Variants in CSMD2 observed in about 807,000 individuals in gnomAD.
CSMD2 encodes CUB and sushi domain-containing protein 2.
Under a neutral mutation model 398.5 loss-of-function variants are expected in CSMD2, and 130 were observed. That is an observed-to-expected ratio of 0.33 (90% CI 0.28 to 0.38). CSMD2 has a LOEUF of 0.38. Ranked by LOEUF, CSMD2 falls within the 10% of genes least tolerant of loss-of-function variation. The probability of loss-of-function intolerance (pLI) is 1.00; values close to 1 mark genes in which losing one functional copy is unlikely to be tolerated. For synonymous variants in CSMD2, 1,828 were observed against 1,908.5 expected, an observed-to-expected ratio of 0.96 and a Z score of 1.10; for missense variants, 3,829 against 4,764.9, an observed-to-expected ratio of 0.80 and a Z score of 5.78.
At chr1:34,011,895 G>A (rs773242925) in intron 3 of CSMD2, among the ~76,000 whole-genome samples, 1 of 152,130 alleles carries the variant, frequency 6.6e-6, no homozygotes, top group Non-Finnish European at 1.5e-5. Flanking sequence ...CCAGCCTCTG[G>A]TAACCCATAA....
rs769897625 is a variant in CSMD2, at chr1:33,605,301, G to A, written c.6513C>T (p.His2171=). The change falls in exon 42 of 71, where the codon CAC becomes CAT. Residue 2171 remains histidine, a synonymous_variant. Transcript: ENST00000373381. ...ACATACCTTCACACTTGGGCAGGGGGTGGTCCCAGTTCCGGTTGGTGCCAT... is the reference window on the plus strand; with the variant it reads ...ACATACCTTCACACTTGGGCAGGGGATGGTCCCAGTTCCGGTTGGTGCCAT... ...CQHGTNRNWD[H]PLPKCEVPCG... is the part of the protein sequence containing the mutation. 3 of 1,614,178 alleles carry A rather than the reference G, an allele frequency of 1.9e-6. No individual in the cohort carries two copies. Among genetic ancestry groups the A allele is most frequent in the South Asian group, 1.1e-5 (1 of 91,070 alleles).
chr1:34,027,693 A>G (rs1422781755), intron 3 of CSMD2, among the ~76,000 whole-genome samples: 4 of 152,248 alleles, frequency 2.6e-5, no homozygotes. Flanking sequence ...ATTAACACAG[A>G]AAAACGTTGG....
chr1:33,986,273 T>TC (rs1205670498), intron 3 of CSMD2, among the ~76,000 whole-genome samples: 2 of 152,168 alleles, frequency 1.3e-5, no homozygotes, highest in East Asian at 1.9e-4. Context: ...ACTCTCTCAA[T>TC]CCATGTCTTT....
chr1:33,767,091 A>G (rs905719850), intron 13 of CSMD2, among the ~76,000 whole-genome samples: 1 of 152,228 alleles, frequency 6.6e-6, no homozygotes, highest in African/African-American at 2.4e-5. Flanking sequence ...AATTAAATAT[A>G]ATTGGTTGAA....
intron 25 of CSMD2, among the ~76,000 whole-genome samples, chr1:33,676,513 T>C (rs1644716804): frequency 6.6e-6 from 1 of 152,206 alleles, no homozygotes; most frequent in African/African-American, 2.4e-5. Context: ...AGAATCAATA[T>C]TGTGAAAATG....
intron 5 of CSMD2, among the ~76,000 whole-genome samples, chr1:33,900,792 A>G (rs925312605): frequency 6.6e-6 from 1 of 152,226 alleles, no homozygotes; most frequent in African/African-American, 2.4e-5. Flanking sequence ...AAAAAAAAAA[A>G]AAGAGTTTTG....
intron 39 of CSMD2, among the ~76,000 whole-genome samples, chr1:33,616,159 C>A (rs1641369535): frequency 6.6e-6 from 1 of 152,336 alleles, no homozygotes; most frequent in East Asian, 1.9e-4. Flanking sequence ...CTGCTCATCA[C>A]TGCCGTAGCA....
At chr1:33,747,855 T>G (rs1401551475) in intron 13 of CSMD2, among the ~76,000 whole-genome samples, 2 of 152,220 alleles carry the variant, frequency 1.3e-5, no homozygotes, top group Non-Finnish European at 2.9e-5. Flanking sequence ...GCATCACCGA[T>G]TTTAAAAAGT....
At position 33,577,697 on chromosome 1, in the gene CSMD2, C is replaced by A. The variant is rs1285972587; in HGVS notation, c.7388-213G>T. 1.4e-4 allele frequency among the ~76,000 whole-genome samples: 21 copies of A among 152,036 alleles called. 1 individual carries two copies. The highest frequency in any genetic ancestry group is 4.8e-4 in the African/African-American group (20 of 41,448). ...ACAAAACAACGGAAACAAAACAAAA[C>A]AAAACAAAAAAAACCAGCTTCATGA... On this transcript the variant is annotated intron_variant, in intron 48 of 70. Coordinates refer to ENST00000373381, the MANE Select transcript of CSMD2 (RefSeq NM_001281956.2).
intron 5 of CSMD2, among the ~76,000 whole-genome samples, chr1:33,870,002 A>C (rs1464724429): frequency 6.6e-6 from 1 of 152,214 alleles, no homozygotes; most frequent in Non-Finnish European, 1.5e-5. Context: ...AAAACAATCA[A>C]CTGGCATCCG....
chr1:33,789,336 A>G (rs1653945208), intron 11 of CSMD2, among the ~76,000 whole-genome samples: 1 of 152,180 alleles, frequency 6.6e-6, no homozygotes, highest in South Asian at 2.1e-4. Context: ...AACCCCAAGC[A>G]CCTACCCATG....
intron 11 of CSMD2, among the ~76,000 whole-genome samples, chr1:33,791,323 T>G (rs2124868489): frequency 6.6e-6 from 1 of 152,272 alleles, no homozygotes; most frequent in Admixed American, 6.5e-5. Flanking sequence ...ACACCAGGGC[T>G]TAAGCGAGAT....
At chr1:34,003,086 C>G (rs1197152870) in intron 3 of CSMD2, among the ~76,000 whole-genome samples, 1 of 152,144 alleles carries the variant, frequency 6.6e-6, no homozygotes, top group Non-Finnish European at 1.5e-5. Flanking sequence ...AAGGTCTAAG[C>G]GAGCTCCAAG....
chr1:33,693,064 A>AAATCCC lies in CSMD2; in HGVS notation c.3926-14_3926-9dup, dbSNP rs1402569138. On this transcript the variant is annotated splice_polypyrimidine_tract_variant and intron_variant, in intron 24 of 70. Transcript: ENST00000373381. ...CTGTCCCTCCACACTCGGCTGAAAG[A>AAATCCC]AATCCCAAAAGAGTGAGCTTCATGG... 6.3e-7 allele frequency: 1 copy of AAATCCC among 1,589,588 alleles called. No homozygotes were observed. The highest frequency in any genetic ancestry group is 1.4e-5 in the African/African-American group (1 of 73,506).
chr1:33,544,578 G>A (rs1656693050), intron 57 of CSMD2, among the ~76,000 whole-genome samples: 1 of 152,010 alleles, frequency 6.6e-6, no homozygotes, highest in Admixed American at 6.6e-5. Flanking sequence ...TTAGAGCTGT[G>A]AAAATAACTT....
chr1:33,660,129 T>C (rs1281102972), intron 26 of CSMD2, among the ~76,000 whole-genome samples: 1 of 152,154 alleles, frequency 6.6e-6, no homozygotes, highest in Non-Finnish European at 1.5e-5. Flanking sequence ...GCAGCTTAGG[T>C]TTAAGAAACA....
chr1:34,023,680 T>G (rs1039643380), intron 3 of CSMD2, among the ~76,000 whole-genome samples: 1 of 152,218 alleles, frequency 6.6e-6, no homozygotes, highest in South Asian at 2.1e-4. Flanking sequence ...ATTAGCTTCC[T>G]TTTACTGAGT....
At chr1:33,545,921 T>G in intron 57 of CSMD2, 116 bp downstream of exon 57, 1 of 950,814 alleles carries the variant, frequency 1.1e-6, no homozygotes. Context: ...AGGCTGAGGG[T>G]TCAAATGGGG....
intron 25 of CSMD2, among the ~76,000 whole-genome samples, chr1:33,684,273 A>C (rs1467120418): frequency 6.6e-6 from 1 of 152,214 alleles, no homozygotes; most frequent in Non-Finnish European, 1.5e-5. Flanking sequence ...TGGAGTTTTC[A>C]GTTTTCCCTG....
Sources: gnomAD v4.1 joint callset for allele counts (sites outside exome capture counted in the v4.1 genomes callset) on GRCh38, gnomAD v4.1.1 for gene constraint, MANE v1.5 for transcripts, NCBI Gene and HGNC (gene_info 2026-07-23, HGNC 2026-07-21) for gene names.